The following GSAP variants were observed in gnomAD, a reference collection of about 807,000 sequenced individuals.
GSAP encodes the protein gamma-secretase-activating protein.
Under a neutral mutation model 131.7 loss-of-function variants are expected in GSAP, and 118 were observed. The observed-to-expected ratio is 0.90, with a 90% CI of 0.77 to 1.04. The LOEUF (loss-of-function observed/expected upper bound fraction) is 1.04. Among genes scored for constraint, GSAP ranks in the 50% least tolerant of loss-of-function variants. The pLI, the probability that GSAP is intolerant of heterozygous loss-of-function variation, is 0.00. For synonymous variants in GSAP, 381 were observed against 363.4 expected, an observed-to-expected ratio of 1.05 and a Z score of -0.55; for missense variants, 1,019 against 1,013.2, an observed-to-expected ratio of 1.01 and a Z score of -0.08.
chr7:77,324,428 G>A (rs75600913), intron 23 of GSAP, among the ~76,000 whole-genome samples: 2 of 152,016 alleles, frequency 1.3e-5, no homozygotes, highest in East Asian at 1.9e-4. Flanking sequence ...CAGACAACAC[G>A]CTCAGCAAGA....
At chr7:77,359,547 T>C (rs769660262) in intron 14 of GSAP, among the ~76,000 whole-genome samples, 12 of 152,178 alleles carry the variant, frequency 7.9e-5, no homozygotes, top group Non-Finnish European at 1.5e-4. Flanking sequence ...GCAAAAAATA[T>C]ATTACTCAAA....
chr7:77,386,575 G>A (rs943566028), intron 6 of GSAP, among the ~76,000 whole-genome samples: 7 of 152,174 alleles, frequency 4.6e-5, no homozygotes, highest in Non-Finnish European at 8.8e-5. Context: ...ATGCCTGAAT[G>A]AAGCTTATCT....
Position 77,416,288 on chromosome 7 carries a change from C to T in GSAP, c.34G>A (p.Gly12Arg), listed in dbSNP as rs761766770. The change falls in exon 1 of 31, where the codon GGG becomes AGG. Residue 12 changes from glycine to arginine, a missense_variant. Gly to Arg is a moderately radical substitution (Grantham distance 125). Coordinates refer to ENST00000257626, the MANE Select transcript of GSAP (RefSeq NM_017439.4). ...ALRLVADFDL[G>R]KDVLPWLRAQ... is the part of the protein sequence containing the mutation. ...CGCAACCACGGGAGCACGTCCTTCC[C>T]GAGGTCGAAGTCGGCGACCAGGCGA... is the stretch of plus-strand genomic sequence containing the variant. 6.7e-6 allele frequency: 10 copies of T among 1,497,224 alleles called. No homozygotes were observed. In the African/African-American group the frequency reaches 8.8e-5, roughly 13 times the overall value. 92.7% of individuals were successfully genotyped at this position (1,497,224 alleles called of 1,614,324 possible).
chr7:77,409,851 C>T (rs761459855), intron 1 of GSAP, among the ~76,000 whole-genome samples: 4 of 152,130 alleles, frequency 2.6e-5, no homozygotes, highest in Non-Finnish European at 4.4e-5. Flanking sequence ...CTCCAACAAA[C>T]GCAGATTACA....
intron 18 of GSAP, among the ~76,000 whole-genome samples, chr7:77,350,278 T>G (rs373288855): frequency 4.5e-4 from 17 of 37,934 alleles, no homozygotes; most frequent in East Asian, 1.4e-3. Context: ...TGTTGTGGGG[T>G]GGGGGGAGGG....
intron 16 of GSAP, among the ~76,000 whole-genome samples, chr7:77,354,188 T>C (rs1000965635): frequency 1.3e-5 from 2 of 152,218 alleles, no homozygotes; most frequent in African/African-American, 4.8e-5. Context: ...CTGACAGATA[T>C]TATAAGGCAC....
At chr7:77,336,484 T>TG (rs1562930654) in intron 19 of GSAP, among the ~76,000 whole-genome samples, 23 of 152,058 alleles carry the variant, frequency 1.5e-4, no homozygotes, top group African/African-American at 5.1e-4. Context: ...TCAAGCTCTT[T>TG]TTTTTTGTTT....
chr7:77,414,888 T>TA (rs1186753127), intron 1 of GSAP, among the ~76,000 whole-genome samples: 5 of 120,980 alleles, frequency 4.1e-5, no homozygotes, highest in African/African-American at 1.5e-4. Context: ...GACGGAGACT[T>TA]ACTCTGTTGC....
intron 1 of GSAP, among the ~76,000 whole-genome samples, chr7:77,412,669 A>G (rs1477331550): frequency 6.6e-6 from 1 of 152,074 alleles, no homozygotes; most frequent in African/African-American, 2.4e-5. Flanking sequence ...GAAAGTGGAC[A>G]AAAGGATGAA....
chr7:77,416,344 G>A lies in GSAP; in HGVS notation c.-23C>T, dbSNP rs1050446567. The A allele has an allele frequency of 6.9e-5, 98 of 1,412,542 alleles. No individual in the cohort carries two copies. The highest frequency in any genetic ancestry group is 8.7e-5 in the Non-Finnish European group (93 of 1,062,878). The allele number at this position is 1,412,542 out of a possible 1,614,324, so 87.5% of individuals were successfully genotyped here. A position where few individuals can be genotyped will look rare whatever the true frequency, so the allele number is the denominator to read the frequency against. ...CATCGCCCGGACACGACCACCGGGC[G>A]GCTCTGGGGCCCCGCACCGCGGGCA... On this transcript the variant is annotated 5_prime_UTR_variant, in exon 1 of 31. Coordinates refer to ENST00000257626, the MANE Select transcript of GSAP (RefSeq NM_017439.4).
intron 23 of GSAP, 116 bp from the exon 24 acceptor site, chr7:77,323,858 AG>A: frequency 1.9e-6 from 1 of 532,230 alleles, no homozygotes; most frequent in South Asian, 2.6e-5. Flanking sequence ...CTGGATCTGA[AG>A]GTCCCATCAA....
chr7:77,349,425 C>T (rs1792433518), intron 18 of GSAP, 21 bp from the exon 19 acceptor site: 8 of 1,604,746 alleles, frequency 5.0e-6, no homozygotes, highest in Non-Finnish European at 6.0e-6. Flanking sequence ...GAAAAACACA[C>T]ACACACAGCT....
At chr7:77,354,463 G>C (rs905416742) in intron 16 of GSAP, among the ~76,000 whole-genome samples, 1 of 152,094 alleles carries the variant, frequency 6.6e-6, no homozygotes, top group Non-Finnish European at 1.5e-5. Flanking sequence ...GGTATACACA[G>C]CTTGCTTTGT....
In GSAP at chr7:77,414,844, C is replaced by CTTTTTTTTTTTTT. The variant is rs57095326; in HGVS notation, c.109+1356_109+1368dup. 2.2e-3 allele frequency among the ~76,000 whole-genome samples: 131 copies of CTTTTTTTTTTTTT among 59,870 alleles called. 17 individuals are homozygous for CTTTTTTTTTTTTT. The highest frequency in any genetic ancestry group is 3.2e-3 in the African/African-American group (43 of 13,528). The allele number at this position is 59,870 out of a possible 152,430, so 39.3% of individuals were successfully genotyped here. ...AAAAACTTTTCAGACATGTGGGCGACTTTTTTTTTTTTTTTTTTTTTTTTT... is the reference window on the plus strand; with the variant it reads ...AAAAACTTTTCAGACATGTGGGCGACTTTTTTTTTTTTTTTTTTTTTTTTTTTTTTTTTTTTTT... On this transcript the variant is annotated intron_variant, in intron 1 of 30. Transcript: ENST00000257626.
intron 7 of GSAP, among the ~76,000 whole-genome samples, chr7:77,382,027 T>C (rs963523669): frequency 2.0e-5 from 3 of 148,496 alleles, no homozygotes; most frequent in Admixed American, 1.4e-4. Flanking sequence ...GACAGCTTAC[T>C]AGATAAGCTC....
At chr7:77,410,107 A>G (rs1316004620) in intron 1 of GSAP, among the ~76,000 whole-genome samples, 1 of 152,212 alleles carries the variant, frequency 6.6e-6, no homozygotes, top group Non-Finnish European at 1.5e-5. Flanking sequence ...ATATTAAGCA[A>G]TATTTGTTAG....
At chr7:77,378,080 T>C (rs185506483) in intron 8 of GSAP, among the ~76,000 whole-genome samples, 51 of 152,352 alleles carry the variant, frequency 3.3e-4, no homozygotes, top group Admixed American at 2.7e-3. Flanking sequence ...TTTTAATTAA[T>C]GCTATAAGCC....
At chr7:77,350,424 AATT>A (rs1792664822) in intron 18 of GSAP, among the ~76,000 whole-genome samples, 1 of 150,248 alleles carries the variant, frequency 6.7e-6, no homozygotes, top group Admixed American at 6.6e-5. Context: ...AAAGTATAAT[AATT>A]AAAAAAAAAA....
intron 19 of GSAP, among the ~76,000 whole-genome samples, chr7:77,332,489 T>A (rs1410208655): frequency 6.6e-6 from 1 of 152,168 alleles, no homozygotes; most frequent in East Asian, 1.9e-4. Context: ...GCTCGCCACA[T>A]GTCAGTGGAC....
Sources: gnomAD v4.1 joint callset for allele counts (sites outside exome capture counted in the v4.1 genomes callset) on GRCh38, gnomAD v4.1.1 for gene constraint, MANE v1.5 for transcripts, NCBI Gene and HGNC (gene_info 2026-07-23, HGNC 2026-07-21) for gene names.